Variants in EEF2K observed in about 807,000 individuals in gnomAD.
The protein encoded by EEF2K is eukaryotic elongation factor 2 kinase.
EEF2K carries 70 observed loss-of-function variants against 93.8 expected under a neutral mutation model. That is an observed-to-expected ratio of 0.75 (90% CI 0.62 to 0.91). The LOEUF is 0.91. Among genes scored for constraint, EEF2K ranks in the 40% least tolerant of loss-of-function variants. EEF2K has a pLI of 0.00. For missense variants in EEF2K, 935 were observed against 972.9 expected (o/e 0.96, Z 0.52); for synonymous variants, 376 against 380.8 (o/e 0.99, Z 0.15).
At chr16:22,238,665 AG>A (rs376682193) in intron 2 of EEF2K, among the ~76,000 whole-genome samples, 4 of 139,416 alleles carry the variant, frequency 2.9e-5, no homozygotes, top group African/African-American at 8.7e-5. Flanking sequence ...AAAAGAAAAA[AG>A]GAAAAAAAAA....
intron 3 of EEF2K, among the ~76,000 whole-genome samples, chr16:22,245,949 G>A (rs575991760): frequency 2.7e-4 from 41 of 152,114 alleles, no homozygotes; most frequent in Non-Finnish European, 5.4e-4. Context: ...AATTAGAGGA[G>A]TTTTGAGTTG....
At chr16:22,247,134 C>T (rs979522391) in intron 3 of EEF2K, among the ~76,000 whole-genome samples, 7 of 149,732 alleles carry the variant, frequency 4.7e-5, no homozygotes, top group Non-Finnish European at 3.0e-5. Context: ...CAAAGCCAGC[C>T]ATAAAGCTTA....
intron 1 of EEF2K, among the ~76,000 whole-genome samples, chr16:22,225,432 T>C (rs2047053093): frequency 6.6e-6 from 1 of 152,194 alleles, no homozygotes; most frequent in African/African-American, 2.4e-5. Flanking sequence ...GTTCCAACAT[T>C]TGCAAACACT....
chr16:22,217,482 C>T (rs536222336), intron 1 of EEF2K, among the ~76,000 whole-genome samples: 3 of 152,054 alleles, frequency 2.0e-5, no homozygotes, highest in Non-Finnish European at 2.9e-5. Flanking sequence ...CTCACTCTGT[C>T]GCCCAGGCTG....
At chr16:22,275,552 A>C (rs995741388) in intron 16 of EEF2K, among the ~76,000 whole-genome samples, 6 of 152,050 alleles carry the variant, frequency 3.9e-5, no homozygotes, top group Admixed American at 3.9e-4. Context: ...CATGTTGGCC[A>C]GGCTTGTCTC....
At chr16:22,256,249 C>T (rs1384813147) in intron 6 of EEF2K, among the ~76,000 whole-genome samples, 1 of 152,120 alleles carries the variant, frequency 6.6e-6, no homozygotes, top group Non-Finnish European at 1.5e-5. Flanking sequence ...AGGCATGTGC[C>T]ACCATGCCTG....
rs546434793 is a variant in EEF2K, at chr16:22,283,325, A to G, written c.2069-562A>G. ...CTCCATCTCAAAAAAAAAAAAAAAAAAAAAAGAAGAAGAATGATGCAAATC... is the reference window on the plus strand; with the variant it reads ...CTCCATCTCAAAAAAAAAAAAAAAAGAAAAAGAAGAAGAATGATGCAAATC... On this transcript the variant is annotated intron_variant, in intron 17 of 17. Transcript: ENST00000263026. 6.0e-3 allele frequency among the ~76,000 whole-genome samples: 912 copies of G among 151,704 alleles called. 7 individuals are homozygous for G. The highest frequency in any genetic ancestry group is 0.02 in the African/African-American group (842 of 41,302).
At chr16:22,266,352 C>T (rs753063456) in intron 13 of EEF2K, 38 bp from the exon 14 acceptor site, 2 of 1,592,924 alleles carry the variant, frequency 1.3e-6, no homozygotes, top group East Asian at 2.2e-5. Context: ...GCGTCCACCC[C>T]CAGCCCCTCG....
intron 1 of EEF2K, among the ~76,000 whole-genome samples, chr16:22,223,992 AG>A (rs1400610615): frequency 6.6e-6 from 1 of 151,868 alleles, no homozygotes; most frequent in Admixed American, 6.6e-5. Context: ...GGATCACCTG[AG>A]GTCAGGAGTC....
chr16:22,222,702 TAAAA>T (rs1161314400), intron 1 of EEF2K, among the ~76,000 whole-genome samples: 20,571 of 96,426 alleles, frequency 0.21, 3,028 homozygotes, highest in East Asian at 0.53. Context: ...ACCCCGTCCC[TAAAA>T]AAAAAAAAAA....
intron 2 of EEF2K, among the ~76,000 whole-genome samples, chr16:22,240,983 T>C (rs1161350302): frequency 3.3e-5 from 5 of 151,984 alleles, no homozygotes. Context: ...TTGGCCAGGC[T>C]GGTATCAAAC....
rs1367082566 is a variant in EEF2K at position 22,244,512 on chromosome 16, C to A, written c.247-118C>A. ...GAAAGGCTACTAGACAGGAGTCTCT[C>A]TCTGTCCTGATACTGTCTGCCTCTC... is the stretch of plus-strand genomic sequence containing the variant. On this transcript the variant is annotated intron_variant, in intron 2 of 17. Transcript: ENST00000263026. The A allele has an allele frequency of 1.9e-5, 18 of 925,972 alleles. No individual in the cohort carries two copies. In the Admixed American group the frequency reaches 3.6e-4, roughly 18 times the overall value. The allele number at this position is 925,972 out of a possible 1,614,324, so 57.4% of individuals were successfully genotyped here.
At chr16:22,209,430 G>A (rs1354780204) in intron 1 of EEF2K, among the ~76,000 whole-genome samples, 1 of 152,158 alleles carries the variant, frequency 6.6e-6, no homozygotes, top group African/African-American at 2.4e-5. Flanking sequence ...GACTCTGGGA[G>A]CTGTGTGAAG....
intron 16 of EEF2K, among the ~76,000 whole-genome samples, chr16:22,278,867 C>A (rs984755098): frequency 3.9e-5 from 6 of 152,034 alleles, no homozygotes; most frequent in African/African-American, 1.4e-4. Context: ...AGTTGAGGGT[C>A]GACGGGCAGA....
intron 2 of EEF2K, among the ~76,000 whole-genome samples, chr16:22,227,463 T>C (rs1444506209): frequency 6.6e-6 from 1 of 152,030 alleles, no homozygotes; most frequent in African/African-American, 2.4e-5. Context: ...CCTCAAGTGA[T>C]CCACCTGCCT....
At chr16:22,283,067 G>A (rs574967623) in intron 17 of EEF2K, among the ~76,000 whole-genome samples, 22 of 152,184 alleles carry the variant, frequency 1.4e-4, no homozygotes, top group African/African-American at 5.1e-4. Flanking sequence ...CCAGCACTTT[G>A]GGAGGCCAAG....
intron 16 of EEF2K, among the ~76,000 whole-genome samples, chr16:22,274,582 A>T (rs1019047651): frequency 6.6e-6 from 1 of 152,010 alleles, no homozygotes; most frequent in East Asian, 1.9e-4. Context: ...AGATAGGATT[A>T]TGGGTGATTT....
intron 6 of EEF2K, among the ~76,000 whole-genome samples, chr16:22,253,042 G>T (rs572581025): frequency 6.2e-4 from 95 of 152,278 alleles, no homozygotes; most frequent in Non-Finnish European, 1.1e-3. Context: ...TGGATACTAT[G>T]TCTGCTCTTT....
chr16:22,244,259 T>C (rs2047259554), intron 2 of EEF2K, among the ~76,000 whole-genome samples: 1 of 141,040 alleles, frequency 7.1e-6, no homozygotes, highest in African/African-American at 2.9e-5. Flanking sequence ...ATTCTGTTTC[T>C]ATATATGTAT....
Sources: allele counts gnomAD v4.1 joint callset (sites outside exome capture counted in the v4.1 genomes callset), GRCh38; gene constraint gnomAD v4.1.1; transcripts MANE v1.5; gene names NCBI Gene and HGNC (gene_info 2026-07-23, HGNC 2026-07-21).